MAML2: variants seen among roughly 807,000 people sequenced by gnomAD.
MAML2 encodes the protein mastermind-like protein 2.
A neutral mutation model predicts 96.1 loss-of-function variants in MAML2; 22 were observed. The ratio of observed to expected loss-of-function variants is 0.23; its 90% CI spans 0.16 to 0.33. MAML2 has a LOEUF of 0.33. MAML2 is among the 10% of genes least tolerant of loss of function. The pLI is 1.00. For synonymous variants in MAML2, 561 were observed against 521.3 expected (o/e 1.08, Z -1.04); for missense variants, 1,367 against 1,392.4 (o/e 0.98, Z 0.29).
chr11:96,043,224 T>A (rs187218485), intron 2 of MAML2, among the ~76,000 whole-genome samples: 7 of 152,176 alleles, frequency 4.6e-5, no homozygotes, highest in African/African-American at 1.7e-4. Flanking sequence ...ACACAAAAGA[T>A]CAGACACATT....
In MAML2 at chr11:96,224,354, G is replaced by C. The variant is rs1387468928; in HGVS notation, c.513+117029C>G. Among the ~76,000 whole-genome samples, 4 of 151,980 alleles carry C rather than the reference G, an allele frequency of 2.6e-5. No homozygotes were observed. In the East Asian group the frequency reaches 7.7e-4, roughly 29 times the overall value. On this transcript the variant is annotated intron_variant, in intron 1 of 4. Transcript: ENST00000524717. ...GGTGTGCCTTGTTACCGTATTCAAG[G>C]GGCTCCAATATATCCTTCCAACCTT...
intron 1 of MAML2, among the ~76,000 whole-genome samples, chr11:96,269,813 G>A (rs1398447675): frequency 2.8e-5 from 4 of 144,078 alleles, no homozygotes; most frequent in Non-Finnish European, 6.0e-5. Context: ...GCCCAGCCTT[G>A]AGGTGCATTC....
chr11:96,103,513 T>C (rs917817718), intron 1 of MAML2, among the ~76,000 whole-genome samples: 7 of 152,242 alleles, frequency 4.6e-5, no homozygotes, highest in Non-Finnish European at 1.0e-4. Flanking sequence ...GGTTGTTTAT[T>C]CATTATTTTC....
At position 96,260,829 on chromosome 11, in the gene MAML2, A is replaced by T. The variant is rs1215392597; in HGVS notation, c.513+80554T>A. Among the ~76,000 whole-genome samples, 6 of 151,492 alleles carry T rather than the reference A, an allele frequency of 4.0e-5. 1 individual carries two copies. The East Asian group carries it at 1.2e-3, about 29-fold the overall frequency. ...AAAAAATTCCTAATTGATTCAGCAG[A>T]GGAGGCAGATCAAATGAGTAGCCAT... On this transcript the variant is annotated intron_variant, in intron 1 of 4. Transcript: ENST00000524717.
At chr11:96,069,094 GTTTTTAA>G (rs2135786075) in intron 2 of MAML2, among the ~76,000 whole-genome samples, 1 of 151,824 alleles carries the variant, frequency 6.6e-6, no homozygotes, top group South Asian at 2.1e-4. Flanking sequence ...AGCCCAGCTA[GTTTTTAA>G]TTTTTTTGTA....
chr11:96,295,530 G>A lies in MAML2; in HGVS notation c.513+45853C>T, dbSNP rs556972351. ...GGACGAAATGCCTATCATCTGGAATGTTTCATCCCAAGACCCTCAGAAGGC... is the reference window on the plus strand; with the variant it reads ...GGACGAAATGCCTATCATCTGGAATATTTCATCCCAAGACCCTCAGAAGGC... On this transcript the variant is annotated intron_variant, in intron 1 of 4. Transcript: ENST00000524717. Among the ~76,000 whole-genome samples, 79 of 152,264 alleles carry A rather than the reference G, an allele frequency of 5.2e-4. No homozygotes were observed. The South Asian group carries it at 5.4e-3, about 10-fold the overall frequency.
chr11:95,997,406 C>T (rs673717), intron 2 of MAML2, among the ~76,000 whole-genome samples: 29,516 of 152,046 alleles, frequency 0.19, 3,343 homozygotes, highest in East Asian at 0.36. Context: ...TTCTTGGTCC[C>T]TGTTTTAACC....
At chr11:96,046,289 C>T (rs951371906) in intron 2 of MAML2, among the ~76,000 whole-genome samples, 1 of 151,656 alleles carries the variant, frequency 6.6e-6, no homozygotes, top group Non-Finnish European at 1.5e-5. Context: ...GTGTTCATAG[C>T]CGGGGAGCTG....
chr11:96,233,798 C>T (rs985345098), intron 1 of MAML2, among the ~76,000 whole-genome samples: 1 of 152,168 alleles, frequency 6.6e-6, no homozygotes, highest in African/African-American at 2.4e-5. Context: ...TACATCACCT[C>T]TTTCACCTGC....
In MAML2 at chr11:96,282,150, G is replaced by A. The variant is rs188627797; in HGVS notation, c.513+59233C>T. Among the ~76,000 whole-genome samples the A allele has an allele frequency of 9.0e-3, 1,371 of 151,894 alleles. 10 individuals are homozygous for A. Among genetic ancestry groups the A allele is most frequent in the Non-Finnish European group, 0.014 (964 of 67,966 alleles). The stretch of plus-strand genomic sequence containing the variant: ...TGTAGTCCAAGCTACTCGGGAGGCT[G>A]AGGCAGGAGAATGGCGTGAACCCGG... On this transcript the variant is annotated intron_variant, in intron 1 of 4. Transcript: ENST00000524717.
chr11:96,224,391 G>A (rs945731577), intron 1 of MAML2, among the ~76,000 whole-genome samples: 3 of 152,018 alleles, frequency 2.0e-5, no homozygotes, highest in African/African-American at 7.3e-5. Context: ...AATTCCAACA[G>A]TGCCCCAACC....
At chr11:96,085,100 T>G (rs1859587834) in intron 2 of MAML2, among the ~76,000 whole-genome samples, 1 of 152,206 alleles carries the variant, frequency 6.6e-6, no homozygotes, top group Admixed American at 6.5e-5. Context: ...TCAGATTCAT[T>G]GCATCAAATG....
chr11:96,109,130 A>C (rs1467907146), intron 1 of MAML2, among the ~76,000 whole-genome samples: 1 of 152,198 alleles, frequency 6.6e-6, no homozygotes, highest in Non-Finnish European at 1.5e-5. Context: ...TCAGTAGAGG[A>C]AACATCCATT....
At chr11:96,253,558 T>C (rs1246754326) in intron 1 of MAML2, among the ~76,000 whole-genome samples, 2 of 152,234 alleles carry the variant, frequency 1.3e-5, no homozygotes, top group Non-Finnish European at 2.9e-5. Flanking sequence ...CTTTGTAATA[T>C]TGATTGCTGG....
chr11:96,331,817 CAAA>C (rs200355506), intron 1 of MAML2, among the ~76,000 whole-genome samples: 7 of 74,714 alleles, frequency 9.4e-5, no homozygotes, highest in Non-Finnish European at 8.7e-5. Flanking sequence ...GACTCCATCT[CAAA>C]AAAAAAAAAA....
In MAML2 at chr11:96,170,776, G is replaced by A. The variant is rs545957197; in HGVS notation, c.514-77259C>T. 6.6e-5 allele frequency among the ~76,000 whole-genome samples: 10 copies of A among 152,216 alleles called. No individual in the cohort carries two copies. The East Asian group carries it at 7.7e-4, about 12-fold the overall frequency. On this transcript the variant is annotated intron_variant, in intron 1 of 4. Coordinates refer to ENST00000524717, the MANE Select transcript of MAML2 (RefSeq NM_032427.4). ...GTCGCCCAGGCTGGAGTGCAGTGGC[G>A]TGATCTTGGCTCACTGCAAGCTCCG...
At chr11:96,271,403 G>A (rs543930301) in intron 1 of MAML2, among the ~76,000 whole-genome samples, 2 of 152,230 alleles carry the variant, frequency 1.3e-5, no homozygotes, top group East Asian at 3.9e-4. Context: ...ATTTGGGAGG[G>A]GCCAGGACTG....
intron 2 of MAML2, among the ~76,000 whole-genome samples, chr11:96,066,840 T>A (rs1393689431): frequency 6.6e-6 from 1 of 151,896 alleles, no homozygotes; most frequent in Non-Finnish European, 1.5e-5. Context: ...TGGAGACAAA[T>A]AAACCCAGGT....
chr11:96,130,099 T>G (rs1860521122), intron 1 of MAML2, among the ~76,000 whole-genome samples: 1 of 152,232 alleles, frequency 6.6e-6, no homozygotes, highest in East Asian at 1.9e-4. Flanking sequence ...TATGGAGATA[T>G]AAGCCTGTGG....
Sources: allele counts gnomAD v4.1 joint callset (sites outside exome capture counted in the v4.1 genomes callset), GRCh38; gene constraint gnomAD v4.1.1; transcripts MANE v1.5; gene names NCBI Gene and HGNC (gene_info 2026-07-23, HGNC 2026-07-21).